CEP85: variants seen among roughly 807,000 people sequenced by gnomAD.
CEP85 encodes centrosomal protein 85.
In CEP85, 58 loss-of-function variants were observed where a neutral mutation model predicts 93.7. That is an observed-to-expected ratio of 0.62 (90% CI 0.50 to 0.77). The LOEUF (loss-of-function observed/expected upper bound fraction) is 0.77. Ranked by LOEUF, CEP85 falls within the 30% of genes least tolerant of loss-of-function variation. The pLI, the probability that CEP85 is intolerant of heterozygous loss-of-function variation, is 0.00. For synonymous variants in CEP85, 314 were observed against 338.6 expected (o/e 0.93, Z 0.80); for missense variants, 868 against 922.0 (o/e 0.94, Z 0.76).
At chr1:26,259,068 A>G (rs889080656) in intron 6 of CEP85, among the ~76,000 whole-genome samples, 1 of 152,220 alleles carries the variant, frequency 6.6e-6, no homozygotes, top group African/African-American at 2.4e-5. Flanking sequence ...TGGCTTTGCT[A>G]CCTAATTAAG....
At chr1:26,237,358 T>C (rs1214645747) in intron 1 of CEP85, among the ~76,000 whole-genome samples, 1 of 152,172 alleles carries the variant, frequency 6.6e-6, no homozygotes, top group Admixed American at 6.5e-5. Context: ...TAGCAGTCCC[T>C]TCCTATTCTC....
chr1:26,271,893 A>G (rs1301494270), intron 10 of CEP85, 128 bp from the exon 11 acceptor site: 1 of 753,164 alleles, frequency 1.3e-6, no homozygotes, highest in Non-Finnish European at 2.3e-6. Flanking sequence ...AGAGTTCACT[A>G]ATCTTTATCC....
chr1:26,244,279 G>T lies in CEP85; in HGVS notation c.169G>T (p.Asp57Tyr). The change falls in exon 3 of 14, where the codon GAC becomes TAC. Residue 57 changes from aspartate to tyrosine, a missense_variant. By Grantham distance (160) the Asp-to-Tyr change is radical. Transcript: ENST00000451429. ...CTGTTCAAGTGTAGCCGACAGTGGG[G>T]ACACAGCCATTGGTACATCATGCTC... ...SRCSSVADSG[D>Y]TAIGTSCSDI... is the part of the protein sequence containing the mutation. 6.2e-7 allele frequency: 1 copy of T among 1,614,076 alleles called. No homozygotes were observed.
At chr1:26,276,880 T>G in intron 13 of CEP85, 120 bp downstream of exon 13, 1 of 848,812 alleles carries the variant, frequency 1.2e-6, no homozygotes, top group Admixed American at 2.7e-5. Context: ...TCCTGGCCAC[T>G]GCCCTCTGGA....
At chr1:26,247,776 G>C (rs562947938) in intron 3 of CEP85, among the ~76,000 whole-genome samples, 12 of 152,228 alleles carry the variant, frequency 7.9e-5, no homozygotes, top group Admixed American at 7.2e-4. Context: ...CAAGTAGCTG[G>C]GACTACAGGC....
chr1:26,273,087 G>A (rs1262905420), intron 11 of CEP85, among the ~76,000 whole-genome samples: 8 of 152,154 alleles, frequency 5.3e-5, no homozygotes, highest in East Asian at 1.9e-4. Context: ...GCATAGCAGC[G>A]AGGAGATGTG....
chr1:26,261,535 G>A (rs750671658), intron 7 of CEP85, among the ~76,000 whole-genome samples: 1 of 151,908 alleles, frequency 6.6e-6, no homozygotes, highest in Non-Finnish European at 1.5e-5. Context: ...TATCTGTTAG[G>A]TAATTAAATA....
At position 26,244,213 on chromosome 1, in the gene CEP85, AC is replaced by A; in HGVS notation, c.107del (p.Pro36GlnfsTer17). ...KGSSLGTEWQ[T>X]PVISEPFRSR... ...CAGTTCCCTGGGGACTGAATGGCAG[AC>A]CCCAGTTATCTCGGAGCCCTTTCGG... is the stretch of plus-strand genomic sequence containing the variant. On this transcript the variant is annotated frameshift_variant, in exon 3 of 14. Coordinates refer to ENST00000451429, the MANE Select transcript of CEP85 (RefSeq NM_001319944.2). LOFTEE classifies it high-confidence loss of function. 6.2e-7 allele frequency: 1 copy of A among 1,612,594 alleles called. No individual in the cohort carries two copies. The highest frequency in any genetic ancestry group is 8.5e-7 in the Non-Finnish European group (1 of 1,179,454).
At chr1:26,241,765 TC>T (rs2089430371) in intron 2 of CEP85, among the ~76,000 whole-genome samples, 1 of 152,006 alleles carries the variant, frequency 6.6e-6, no homozygotes, top group Admixed American at 6.6e-5. Context: ...TTTCAGCTTT[TC>T]TTTTTTTTTT....
Position 26,278,443 on chromosome 1 carries a change from TG to T in CEP85, c.*1153del, listed in dbSNP as rs1283176211. 1.3e-5 allele frequency: 2 copies of T among 152,692 alleles called. No homozygotes were observed. The highest frequency in any genetic ancestry group is 2.9e-5 in the Non-Finnish European group (2 of 68,044). The allele number at this position is 152,692 out of a possible 1,614,324, so 9.5% of individuals were successfully genotyped here. A position where few individuals can be genotyped will look rare whatever the true frequency, so the allele number is the denominator to read the frequency against. On this transcript the variant is annotated 3_prime_UTR_variant, in exon 14 of 14. Coordinates refer to ENST00000451429, the MANE Select transcript of CEP85 (RefSeq NM_001319944.2). ...AGCCAGGCCAGGCAGGGGCCACGTGTGGGCCAGTCAGCCACTACAAGATTTT... is the reference window on the plus strand; with the variant it reads ...AGCCAGGCCAGGCAGGGGCCACGTGTGGCCAGTCAGCCACTACAAGATTTT...
At chr1:26,250,932 C>CTTTTTTT (rs869156420) in intron 3 of CEP85, among the ~76,000 whole-genome samples, 4 of 17,498 alleles carry the variant, frequency 2.3e-4, no homozygotes, top group East Asian at 6.1e-4. Context: ...TTTCTTTTTT[C>CTTTTTTT]TTTTTTTTTT....
chr1:26,244,699 T>G (rs1397802243), intron 3 of CEP85, among the ~76,000 whole-genome samples: 1 of 152,074 alleles, frequency 6.6e-6, no homozygotes, highest in Non-Finnish European at 1.5e-5. Context: ...TTTTTGTGTG[T>G]TTTTATAGAG....
At chr1:26,246,370 A>G (rs1032638801) in intron 3 of CEP85, among the ~76,000 whole-genome samples, 3 of 152,210 alleles carry the variant, frequency 2.0e-5, no homozygotes, top group Non-Finnish European at 4.4e-5. Flanking sequence ...GAATGAATGA[A>G]TATCCATATA....
chr1:26,254,253 A>G (rs1476568669), intron 3 of CEP85, among the ~76,000 whole-genome samples: 1 of 152,156 alleles, frequency 6.6e-6, no homozygotes, highest in Admixed American at 6.6e-5. Context: ...AGCAATAAGT[A>G]TGTTACCTCA....
At position 26,271,015 on chromosome 1, in the gene CEP85, C is replaced by T. The variant is rs1473880767; in HGVS notation, c.1651C>T (p.Leu551=). The change falls in exon 10 of 14, where the codon CTG becomes TTG. Residue 551 remains leucine (L), a splice_region_variant and synonymous_variant. Coordinates refer to ENST00000451429, the MANE Select transcript of CEP85 (RefSeq NM_001319944.2). ...CTTGAAGAGGCCACTGTCTTTCAGC[C>T]TGCAAGATAAACAGTCTGTGGAGGA... ...EAEFSSAGHS[L]QDKQSVEETS... The T allele has an allele frequency of 6.2e-7, 1 of 1,606,928 alleles. No homozygotes were observed. Among genetic ancestry groups the T allele is most frequent in the Non-Finnish European group, 8.5e-7 (1 of 1,173,690 alleles).
rs72888552 is a variant in CEP85 at position 26,249,481 on chromosome 1, C to A, written c.208+5163C>A. On this transcript the variant is annotated intron_variant, in intron 3 of 13. Coordinates refer to ENST00000451429, the MANE Select transcript of CEP85 (RefSeq NM_001319944.2). ...TATACAGTATAGTTCATTGTTGCAT[C>A]TTTAAATTTAATAGGCATGCTTTTG... 1.0e-3 allele frequency among the ~76,000 whole-genome samples: 159 copies of A among 152,136 alleles called. 1 individual carries two copies. The highest frequency in any genetic ancestry group is 3.5e-3 in the African/African-American group (147 of 41,498).
At chr1:26,257,540 T>G in intron 4 of CEP85, 57 bp from the exon 5 acceptor site, 2 of 1,597,842 alleles carry the variant, frequency 1.3e-6, no homozygotes, top group Non-Finnish European at 1.7e-6. Context: ...ACTGCTCAGG[T>G]GTTTTCAGGC....
At position 26,255,168 on chromosome 1, in the gene CEP85, C is replaced by T. The variant is rs1449829035; in HGVS notation, c.209-3C>T. The T allele has an allele frequency of 6.2e-6, 10 of 1,611,790 alleles. No individual in the cohort carries two copies. Among genetic ancestry groups the T allele is most frequent in the South Asian group, 1.1e-5 (1 of 91,002 alleles). On this transcript the variant is annotated splice_polypyrimidine_tract_variant and splice_region_variant and intron_variant, in intron 3 of 13. Transcript: ENST00000451429. ...TACTTATGGAAGACTATTCTCTCCC[C>T]AGATTTTTGCAGCTCAAGTGGCAGT...
At chr1:26,262,449 A>T (rs1447938885) in intron 7 of CEP85, among the ~76,000 whole-genome samples, 2 of 151,766 alleles carry the variant, frequency 1.3e-5, no homozygotes, top group African/African-American at 4.8e-5. Context: ...CTGCTCTCTA[A>T]TCTGGGCAAC....
Sources: gnomAD v4.1 joint callset for allele counts (sites outside exome capture counted in the v4.1 genomes callset) on GRCh38, gnomAD v4.1.1 for gene constraint, MANE v1.5 for transcripts, NCBI Gene and HGNC (gene_info 2026-07-23, HGNC 2026-07-21) for gene names.